ZSCAN30: variants seen among roughly 807,000 people sequenced by gnomAD.
ZSCAN30 encodes the protein zinc finger and SCAN domain-containing protein 30.
ZSCAN30 carries 37 observed loss-of-function variants against 44.3 expected under a neutral mutation model. The ratio of observed to expected loss-of-function variants is 0.84; its 90% CI spans 0.64 to 1.10. The LOEUF (loss-of-function observed/expected upper bound fraction) is 1.10, where lower values mean the gene tolerates loss of function less well. Ranked by LOEUF, ZSCAN30 falls within the 50% of genes least tolerant of loss-of-function variation. The probability of loss-of-function intolerance (pLI) is 0.00; values close to 1 mark genes in which losing one functional copy is unlikely to be tolerated. For synonymous variants in ZSCAN30, 181 were observed against 204.6 expected (o/e 0.88, Z 0.98); for missense variants, 549 against 582.6 (o/e 0.94, Z 0.59).
chr18:35,267,542 C>G (rs1282818538), intron 1 of ZSCAN30: 1 of 152,050 alleles, frequency 6.6e-6, no homozygotes, highest in Non-Finnish European at 1.5e-5. Flanking sequence ...GCCGCACGCG[C>G]GCCGGAAGTG....
intron 1 of ZSCAN30, among the ~76,000 whole-genome samples, chr18:35,277,558 ACTT>A (rs980837697): frequency 2.0e-5 from 3 of 152,030 alleles, no homozygotes; most frequent in Admixed American, 6.5e-5. Flanking sequence ...TTTGCTTGGC[ACTT>A]CTTCTTACCA....
intron 3 of ZSCAN30, chr18:35,260,630 T>TA (rs1449251713): frequency 6.6e-6 from 1 of 152,236 alleles, no homozygotes; most frequent in Non-Finnish European, 1.5e-5. Flanking sequence ...GAGCTATTTT[T>TA]TATATATTTT....
intron 1 of ZSCAN30, chr18:35,281,403 T>C (rs1357392360): frequency 6.6e-5 from 10 of 152,114 alleles, no homozygotes. Context: ...GAAAGCAACA[T>C]CTCTGGCAAC....
intron 2 of ZSCAN30, 49 bp downstream of exon 2, chr18:35,263,896 C>A: frequency 1.7e-5 from 27 of 1,564,804 alleles, no homozygotes; most frequent in Non-Finnish European, 2.3e-5. Flanking sequence ...ATTATGGCTT[C>A]CCCATTAACT....
chr18:35,262,246 G>A (rs766620677), intron 3 of ZSCAN30: 12 of 152,204 alleles, frequency 7.9e-5, no homozygotes, highest in Non-Finnish European at 1.3e-4. Flanking sequence ...TTCATAGGAA[G>A]TTAATAAGAT....
At chr18:35,275,513 G>C (rs1342630423) in intron 1 of ZSCAN30, among the ~76,000 whole-genome samples, 1 of 152,092 alleles carries the variant, frequency 6.6e-6, no homozygotes, top group Non-Finnish European at 1.5e-5. Flanking sequence ...ACTTACCTGA[G>C]CTTGCACCCA....
intron 1 of ZSCAN30, among the ~76,000 whole-genome samples, chr18:35,274,428 G>A (rs1234903614): frequency 6.6e-6 from 1 of 152,194 alleles, no homozygotes; most frequent in East Asian, 1.9e-4. Context: ...ACCAGTTTTA[G>A]GTATTGAGAT....
At chr18:35,261,130 T>G (rs2044018756) in intron 3 of ZSCAN30, 1 of 151,462 alleles carries the variant, frequency 6.6e-6, no homozygotes, top group Non-Finnish European at 1.5e-5. Context: ...ATTGCTTGTT[T>G]GTGTCAGGTT....
chr18:35,286,800 C>A (rs1389547005), intron 1 of ZSCAN30, among the ~76,000 whole-genome samples: 1 of 152,152 alleles, frequency 6.6e-6, no homozygotes. Flanking sequence ...TTTACTTCTT[C>A]TTTTCCAATC....
At position 35,251,080 on chromosome 18, in the gene ZSCAN30, A is replaced by G. The variant is rs1598591790; in HGVS notation, c.*2370T>C. The G allele has an allele frequency of 1.3e-5, 2 of 152,236 alleles. No individual in the cohort carries two copies. Among genetic ancestry groups the G allele is most frequent in the East Asian group, 3.8e-4 (2 of 5,202 alleles). 9.4% of individuals were successfully genotyped at this position (152,236 alleles called of 1,614,324 possible). A position where few individuals can be genotyped will look rare whatever the true frequency, so the allele number is the denominator to read the frequency against. On this transcript the variant is annotated 3_prime_UTR_variant, in exon 4 of 4. Coordinates refer to ENST00000333206, the MANE Select transcript of ZSCAN30 (RefSeq NM_001112734.4). ...AGCAAACTTTTAAAACTCAAGTTTTATTGCAATACATCTTGCATTACATTC... is the reference window on the plus strand; with the variant it reads ...AGCAAACTTTTAAAACTCAAGTTTTGTTGCAATACATCTTGCATTACATTC...
At chr18:35,258,940 TTG>T (rs1332779016) in intron 3 of ZSCAN30, 1 of 147,010 alleles carries the variant, frequency 6.8e-6, no homozygotes, top group Non-Finnish European at 1.5e-5. Context: ...CAAGTATAGA[TTG>T]TGTTTTATGA....
chr18:35,258,040 A>AT (rs2043899982), intron 3 of ZSCAN30: 1 of 779,154 alleles, frequency 1.3e-6, no homozygotes, highest in Non-Finnish European at 2.4e-6. Flanking sequence ...CAAGAAACTT[A>AT]TAACTCAAGG....
chr18:35,268,411 G>A (rs770385196), intron 1 of ZSCAN30: 1 of 152,242 alleles, frequency 6.6e-6, no homozygotes, highest in Non-Finnish European at 1.5e-5. Context: ...ATCTGTGAAA[G>A]TATGATTGAA....
intron 3 of ZSCAN30, chr18:35,260,967 G>C (rs1429109790): frequency 6.6e-6 from 1 of 152,028 alleles, no homozygotes; most frequent in Non-Finnish European, 1.5e-5. Flanking sequence ...TTTTTTACTA[G>C]GGATTTTATA....
chr18:35,279,067 C>T (rs2044412217), intron 1 of ZSCAN30, among the ~76,000 whole-genome samples: 1 of 152,188 alleles, frequency 6.6e-6, no homozygotes, highest in Non-Finnish European at 1.5e-5. Context: ...CTCTTCAAGG[C>T]TTTTTCTATT....
intron 3 of ZSCAN30, chr18:35,259,366 A>AT (rs2043956757): frequency 6.6e-6 from 1 of 152,192 alleles, no homozygotes; most frequent in East Asian, 1.9e-4. Flanking sequence ...TAATTTTTGT[A>AT]TTTTTAGTAA....
At chr18:35,272,468 C>T (rs928949966) in intron 1 of ZSCAN30, among the ~76,000 whole-genome samples, 6 of 151,866 alleles carry the variant, frequency 4.0e-5, no homozygotes, top group Admixed American at 3.9e-4. Flanking sequence ...CTGCCTCATC[C>T]TAGCTGGGAT....
intron 1 of ZSCAN30, chr18:35,283,575 A>G (rs1207996928): frequency 6.6e-6 from 1 of 152,430 alleles, no homozygotes; most frequent in Admixed American, 6.5e-5. Flanking sequence ...GGGTCTGGCC[A>G]CTGCACACAG....
chr18:35,268,828 T>C (rs2044216395), intron 1 of ZSCAN30: 1 of 152,226 alleles, frequency 6.6e-6, no homozygotes, highest in Non-Finnish European at 1.5e-5. Context: ...AAAGTATTCT[T>C]ATTTTCAAGG....
Sources: gnomAD v4.1 joint callset for allele counts (sites outside exome capture counted in the v4.1 genomes callset) on GRCh38, gnomAD v4.1.1 for gene constraint, MANE v1.5 for transcripts, NCBI Gene and HGNC (gene_info 2026-07-23, HGNC 2026-07-21) for gene names.